The following AOAH variants were observed in gnomAD, a reference collection of about 807,000 sequenced individuals.
AOAH encodes acyloxyacyl hydrolase (neutrophil).
AOAH carries 64 observed loss-of-function variants against 92.2 expected under a neutral mutation model. The observed-to-expected ratio is 0.69, with a 90% CI of 0.57 to 0.86. The LOEUF is 0.86. Among genes scored for constraint, AOAH ranks in the 40% least tolerant of loss-of-function variants. AOAH has a pLI of 0.00. For synonymous variants in AOAH, 263 were observed against 254.5 expected, an observed-to-expected ratio of 1.03 and a Z score of -0.32; for missense variants, 656 against 694.6, an observed-to-expected ratio of 0.94 and a Z score of 0.62.
At chr7:36,701,423 T>C (rs779478246) in intron 1 of AOAH, among the ~76,000 whole-genome samples, 29 of 151,212 alleles carry the variant, frequency 1.9e-4, no homozygotes, top group Middle Eastern at 3.5e-3. Flanking sequence ...TTTCAACTCT[T>C]TCAGTATTTG....
chr7:36,617,039 T>C (rs1218282347), intron 10 of AOAH, among the ~76,000 whole-genome samples: 2 of 152,228 alleles, frequency 1.3e-5, no homozygotes, highest in Non-Finnish European at 2.9e-5. Context: ...CTGAGGCCCA[T>C]CCACACGAAT....
intron 15 of AOAH, among the ~76,000 whole-genome samples, chr7:36,543,252 C>T (rs1265869376): frequency 1.3e-5 from 2 of 152,214 alleles, no homozygotes; most frequent in East Asian, 3.9e-4. Flanking sequence ...AGAGCAGAAG[C>T]GTGGGGAGGG....
intron 12 of AOAH, among the ~76,000 whole-genome samples, chr7:36,584,940 G>A (rs1449406914): frequency 6.6e-6 from 1 of 152,178 alleles, no homozygotes; most frequent in East Asian, 1.9e-4. Context: ...GTCATGTACT[G>A]TGCCAGGTAA....
At chr7:36,534,580 T>C (rs1357893848) in intron 16 of AOAH, among the ~76,000 whole-genome samples, 1 of 152,218 alleles carries the variant, frequency 6.6e-6, no homozygotes, top group Non-Finnish European at 1.5e-5. Flanking sequence ...AGGGAAATGG[T>C]TCTTACACTT....
At chr7:36,638,054 G>T in intron 4 of AOAH, 144 bp from the exon 5 acceptor site, 1 of 702,464 alleles carries the variant, frequency 1.4e-6, no homozygotes, top group Non-Finnish European at 2.4e-6. Flanking sequence ...TTCACAAGAA[G>T]GCAATTTCAC....
intron 1 of AOAH, among the ~76,000 whole-genome samples, chr7:36,707,089 T>C (rs1372053386): frequency 7.8e-6 from 1 of 128,338 alleles, no homozygotes; most frequent in African/African-American, 2.9e-5. Context: ...TTGGCATATC[T>C]TGGCTTTAGA....
chr7:36,625,154 C>T (rs116885202), intron 6 of AOAH, among the ~76,000 whole-genome samples: 234 of 152,204 alleles, frequency 1.5e-3, no homozygotes, highest in Admixed American at 3.2e-3. Flanking sequence ...TTCCTACATT[C>T]CTGCCCTGGG....
At chr7:36,561,260 T>C (rs1301369856) in intron 13 of AOAH, among the ~76,000 whole-genome samples, 1 of 152,150 alleles carries the variant, frequency 6.6e-6, no homozygotes, top group Admixed American at 6.5e-5. Flanking sequence ...CAGGCTGGTC[T>C]TGAGCTCCTA....
At chr7:36,612,823 T>G (rs1406349111) in intron 11 of AOAH, among the ~76,000 whole-genome samples, 1 of 152,250 alleles carries the variant, frequency 6.6e-6, no homozygotes, top group Non-Finnish European at 1.5e-5. Flanking sequence ...CTGCTGAAAA[T>G]GAAACTTTTA....
chr7:36,530,636 A>G (rs1784640016), intron 18 of AOAH, 122 bp from the exon 19 acceptor site: 2 of 647,398 alleles, frequency 3.1e-6, no homozygotes, highest in Admixed American at 2.7e-5. Context: ...TCTCCAAGCC[A>G]TCAGCAGACA....
chr7:36,668,562 C>G (rs1339656928), intron 3 of AOAH, among the ~76,000 whole-genome samples: 1 of 152,242 alleles, frequency 6.6e-6, no homozygotes, highest in East Asian at 1.9e-4. Flanking sequence ...TCTCAGCTCA[C>G]TGCAACCTTC....
chr7:36,590,460 C>T (rs113231994), intron 12 of AOAH, among the ~76,000 whole-genome samples: 10 of 152,172 alleles, frequency 6.6e-5, no homozygotes, highest in African/African-American at 1.9e-4. Flanking sequence ...ACTAAAAGAA[C>T]TAAAGGTTTG....
In AOAH at chr7:36,715,478, A is replaced by G. The variant is rs796890819; in HGVS notation, c.127+8544T>C. On this transcript the variant is annotated intron_variant, in intron 1 of 20. Coordinates refer to ENST00000617537, the MANE Select transcript of AOAH (RefSeq NM_001637.4). ...TCACAGAATTGGAAAAAACTACTTT[A>G]AAGTTCATATGGAACCAAAAAAGAG... Among the ~76,000 whole-genome samples, 17 of 151,438 alleles carry G rather than the reference A, an allele frequency of 1.1e-4. 1 individual carries two copies. Among genetic ancestry groups the G allele is most frequent in the South Asian group, 8.4e-4 (4 of 4,782 alleles).
At chr7:36,664,821 G>C (rs1425471776) in intron 3 of AOAH, among the ~76,000 whole-genome samples, 1 of 152,188 alleles carries the variant, frequency 6.6e-6, no homozygotes, top group East Asian at 1.9e-4. Flanking sequence ...TTTGAGTGAG[G>C]CCTCAGGAAG....
At position 36,578,625 on chromosome 7, in the gene AOAH, T is replaced by C. The variant is rs141981625; in HGVS notation, c.939-1969A>G. ...CTCCTCATCTCTAAGTAACATACTT[T>C]TAAGGCTACTTCTTGATTGTTAGTC... On this transcript the variant is annotated intron_variant, in intron 12 of 20. Coordinates refer to ENST00000617537, the MANE Select transcript of AOAH (RefSeq NM_001637.4). 2.8e-4 allele frequency among the ~76,000 whole-genome samples: 43 copies of C among 152,350 alleles called. 2 individuals are homozygous for C. The highest frequency in any genetic ancestry group is 8.2e-4 in the African/African-American group (34 of 41,594).
intron 5 of AOAH, among the ~76,000 whole-genome samples, 196 bp downstream of exon 5, chr7:36,637,655 T>TG (rs1793613065): frequency 6.6e-6 from 1 of 152,070 alleles, no homozygotes; most frequent in Non-Finnish European, 1.5e-5. Context: ...GTGCTGAGGC[T>TG]GAAAAACCAC....
intron 12 of AOAH, among the ~76,000 whole-genome samples, chr7:36,582,045 G>A (rs1487168557): frequency 6.6e-6 from 1 of 152,118 alleles, no homozygotes; most frequent in Non-Finnish European, 1.5e-5. Flanking sequence ...TATATGCAGG[G>A]TCTTGAGCTT....
intron 1 of AOAH, among the ~76,000 whole-genome samples, chr7:36,687,013 C>T (rs1044033638): frequency 4.6e-5 from 7 of 152,140 alleles, no homozygotes; most frequent in African/African-American, 1.7e-4. Flanking sequence ...TCTCTCCTCC[C>T]CCACTTTCTC....
intron 13 of AOAH, among the ~76,000 whole-genome samples, chr7:36,553,562 G>A (rs6958312): frequency 0.13 from 19,845 of 151,760 alleles, 1,361 homozygotes; most frequent in African/African-American, 0.15. Context: ...GAATCGCCAC[G>A]CTGATTTCCA....
Sources: allele counts gnomAD v4.1 joint callset (sites outside exome capture counted in the v4.1 genomes callset), GRCh38; gene constraint gnomAD v4.1.1; transcripts MANE v1.5; gene names NCBI Gene and HGNC (gene_info 2026-07-23, HGNC 2026-07-21).